The following CEP128 variants were observed in gnomAD, a reference collection of about 807,000 sequenced individuals.
CEP128 encodes centrosomal protein 128kDa.
A neutral mutation model predicts 156.7 loss-of-function variants in CEP128; 132 were observed. That is an observed-to-expected ratio of 0.84 (90% CI 0.73 to 0.97). The LOEUF (loss-of-function observed/expected upper bound fraction) is 0.97, where lower values mean the gene tolerates loss of function less well. Ranked by LOEUF, CEP128 falls within the 50% of genes least tolerant of loss-of-function variation. CEP128 has a pLI of 0.00. For missense variants in CEP128, 1,252 were observed against 1,281.9 expected, an observed-to-expected ratio of 0.98 and a Z score of 0.36; for synonymous variants, 469 against 448.9, an observed-to-expected ratio of 1.04 and a Z score of -0.57.
At chr14:80,742,854 C>T (rs1179061804) in intron 19 of CEP128, 7 of 507,732 alleles carry the variant, frequency 1.4e-5, no homozygotes, top group Non-Finnish European at 2.1e-5. Context: ...TGCACACAGC[C>T]AGTAAATGCA....
intron 21 of CEP128, among the ~76,000 whole-genome samples, chr14:80,551,806 T>C (rs536307272): frequency 3.9e-5 from 6 of 152,286 alleles, no homozygotes; most frequent in African/African-American, 1.4e-4. Context: ...TTCAGAACAC[T>C]TCAACCCCAG....
intron 2 of CEP128, among the ~76,000 whole-genome samples, chr14:80,932,394 A>G (rs1272564353): frequency 6.6e-6 from 1 of 152,244 alleles, no homozygotes; most frequent in African/African-American, 2.4e-5. Context: ...ACTTCCTGAG[A>G]TTGCAAATGA....
intron 13 of CEP128, among the ~76,000 whole-genome samples, chr14:80,818,320 A>G (rs1430046318): frequency 2.0e-5 from 3 of 152,234 alleles, no homozygotes; most frequent in Admixed American, 6.5e-5. Context: ...TGCCCAGTCT[A>G]CTAAATTCTT....
chr14:80,829,208 G>A (rs1885648503), intron 13 of CEP128, among the ~76,000 whole-genome samples: 1 of 152,130 alleles, frequency 6.6e-6, no homozygotes, highest in East Asian at 1.9e-4. Flanking sequence ...AGAAACAGCT[G>A]CAAATTTAAT....
chr14:80,829,107 A>G (rs1885642871), intron 13 of CEP128, among the ~76,000 whole-genome samples: 1 of 152,240 alleles, frequency 6.6e-6, no homozygotes, highest in Non-Finnish European at 1.5e-5. Flanking sequence ...AAAAGGTGCC[A>G]TAAGAACATT....
chr14:80,698,588 G>C (rs1367499551), intron 19 of CEP128, among the ~76,000 whole-genome samples: 1 of 152,050 alleles, frequency 6.6e-6, no homozygotes, highest in East Asian at 1.9e-4. Context: ...AAATGCAAAT[G>C]CATAGATATT....
chr14:80,906,065 T>C lies in CEP128; in HGVS notation c.251A>G (p.Glu84Gly). 1 of 1,596,368 alleles carries C rather than the reference T, an allele frequency of 6.3e-7. No homozygotes were observed. Among genetic ancestry groups the C allele is most frequent in the Non-Finnish European group, 8.5e-7 (1 of 1,175,198 alleles). Residue 84 changes from glutamate to glycine, a missense_variant, in exon 5 of 25, where the codon GAA (glutamate) becomes GGA (glycine). Glu to Gly is a moderately conservative substitution (Grantham distance 98). Coordinates refer to ENST00000555265, the MANE Select transcript of CEP128 (RefSeq NM_152446.5). ...ACTCCGGAGTTGGTCGATTGATTGT[T>C]CCAAGCTTTCTTTTAACTAATTTAA... The part of the protein sequence containing the change: ...GAIEHLKESL[E>G]QSIDQLRSQR...
Position 80,840,116 on chromosome 14 carries a change from A to G in CEP128, c.849+566T>C, listed in dbSNP as rs185970574. Among the ~76,000 whole-genome samples, 879 of 152,264 alleles carry G rather than the reference A, an allele frequency of 5.8e-3. 13 individuals carry two copies. Among genetic ancestry groups the G allele is most frequent in the Non-Finnish European group, 8.3e-3 (561 of 68,000 alleles). ...GAACAGGGCAAATTTTCACTTCATC[A>G]TTCATTACTTTGAGCTCATCCTTAA... On this transcript the variant is annotated intron_variant, in intron 10 of 24. Transcript: ENST00000555265.
intron 13 of CEP128, among the ~76,000 whole-genome samples, chr14:80,815,217 TAAC>T (rs1393053775): frequency 4.6e-5 from 7 of 151,986 alleles, no homozygotes; most frequent in African/African-American, 1.7e-4. Context: ...CTCAACGAAA[TAAC>T]AATAATAATA....
At chr14:80,655,328 A>G (rs1018222203) in intron 19 of CEP128, among the ~76,000 whole-genome samples, 18 of 152,144 alleles carry the variant, frequency 1.2e-4, no homozygotes, top group African/African-American at 4.3e-4. Context: ...TAAATTTGCT[A>G]TTGTCACACC....
At chr14:80,479,924 T>C (rs560864812) in intron 14 of CEP128, among the ~76,000 whole-genome samples, 28 of 152,294 alleles carry the variant, frequency 1.8e-4, no homozygotes, top group African/African-American at 6.0e-4. Context: ...GGCAGTCAAA[T>C]GTTAAAGCTC....
chr14:80,568,534 A>G lies in CEP128; in HGVS notation c.2857-9232T>C, dbSNP rs72689060. Among the ~76,000 whole-genome samples the G allele has an allele frequency of 1.6e-3, 242 of 152,240 alleles. No individual in the cohort carries two copies. In the Middle Eastern group the frequency reaches 0.017, roughly 11 times the overall value. On this transcript the variant is annotated intron_variant, in intron 20 of 24. Coordinates refer to ENST00000555265, the MANE Select transcript of CEP128 (RefSeq NM_152446.5). Reference sequence around the variant, plus strand: ...ATTCTTTCTGTGTGCTTCTGTGTTCAGTTACCCCTCAGCATTCTACACTAG... The same window carrying G: ...ATTCTTTCTGTGTGCTTCTGTGTTCGGTTACCCCTCAGCATTCTACACTAG...
At chr14:80,560,776 T>C (rs1333448551) in intron 20 of CEP128, among the ~76,000 whole-genome samples, 5 of 152,302 alleles carry the variant, frequency 3.3e-5, no homozygotes, top group African/African-American at 7.2e-5. Context: ...CGTTGAACAC[T>C]GTACGCCACG....
rs192903001 is a variant in CEP128, at chr14:80,796,508, T to G, written c.1210-3398A>C. Among the ~76,000 whole-genome samples the G allele has an allele frequency of 2.0e-5, 3 of 152,268 alleles. No individual in the cohort carries two copies. In the East Asian group the frequency reaches 5.8e-4, roughly 29 times the overall value. On this transcript the variant is annotated intron_variant, in intron 13 of 24. Transcript: ENST00000555265. ...CTAGTTTCCTTGTAGCAGGTGACAC[T>G]GTTAATAACCCCTTGCTCATTCTAA... is the stretch of plus-strand genomic sequence containing the variant.
At position 80,647,011 on chromosome 14, in the gene CEP128, A is replaced by ATATATATATATG. The variant is rs1233103116; in HGVS notation, c.2807-66589_2807-66588insCATATATATATA. 7.2e-4 allele frequency among the ~76,000 whole-genome samples: 52 copies of ATATATATATATG among 72,532 alleles called. 5 individuals are homozygous for ATATATATATATG. The highest frequency in any genetic ancestry group is 2.2e-3 in the Admixed American group (11 of 5,014). 47.6% of individuals were successfully genotyped at this position (72,532 alleles called of 152,430 possible). A position where few individuals can be genotyped will look rare whatever the true frequency, so the allele number is the denominator to read the frequency against. On this transcript the variant is annotated intron_variant, in intron 19 of 24. Transcript: ENST00000555265. The stretch of plus-strand genomic sequence containing the variant: ...TTATAAGAAATATATATATATATAT[A>ATATATATATATG]TGTGTGTGTATATATATGTGTGCAT...
At chr14:80,888,888 C>T (rs1326397871) in intron 8 of CEP128, among the ~76,000 whole-genome samples, 1 of 152,202 alleles carries the variant, frequency 6.6e-6, no homozygotes, top group Non-Finnish European at 1.5e-5. Context: ...ACCCCATTTT[C>T]TCAGCCCCAA....
downstream of CEP128, among the ~76,000 whole-genome samples, chr14:80,486,112 G>A (rs1297986677): frequency 2.6e-5 from 4 of 152,236 alleles, no homozygotes; most frequent in African/African-American, 7.2e-5. Flanking sequence ...GGGACCTATT[G>A]CATTGTAGTT....
intron 19 of CEP128, among the ~76,000 whole-genome samples, chr14:80,678,049 A>AAAAATAT: frequency 2.5e-4 from 25 of 98,494 alleles, no homozygotes; most frequent in South Asian, 1.4e-3. Flanking sequence ...ATAAAAAAAA[A>AAAAATAT]ATATATATAT....
At chr14:80,501,972 A>G (rs1267935622) in intron 24 of CEP128, among the ~76,000 whole-genome samples, 2 of 152,188 alleles carry the variant, frequency 1.3e-5, no homozygotes, top group Non-Finnish European at 2.9e-5. Flanking sequence ...CGAAAACCCA[A>G]CAACCTGGAA....
Sources: gnomAD v4.1 joint callset for allele counts (sites outside exome capture counted in the v4.1 genomes callset) on GRCh38, gnomAD v4.1.1 for gene constraint, MANE v1.5 for transcripts, NCBI Gene and HGNC (gene_info 2026-07-23, HGNC 2026-07-21) for gene names.